Variants in MEGF11 observed in about 807,000 individuals in gnomAD.
MEGF11 encodes the protein multiple EGF like domains 11, also known as multiple epidermal growth factor-like domains protein 11.
MEGF11 carries 126 observed loss-of-function variants against 146.6 expected under a neutral mutation model. That is an observed-to-expected ratio of 0.86 (90% confidence interval 0.74 to 1.00). The LOEUF (loss-of-function observed/expected upper bound fraction) is 1.00, where lower values mean the gene tolerates loss of function less well. Among genes scored for constraint, MEGF11 ranks in the 50% least tolerant of loss-of-function variants. The pLI, the probability that MEGF11 is intolerant of heterozygous loss-of-function variation, is 0.00. For missense variants in MEGF11, 1,509 were observed against 1,521.2 expected (o/e 0.99, Z 0.13); for synonymous variants, 532 against 583.4 (o/e 0.91, Z 1.27).
chr15:65,937,017 C>T (rs1214529716), intron 10 of MEGF11, among the ~76,000 whole-genome samples: 1 of 152,204 alleles, frequency 6.6e-6, no homozygotes, highest in Non-Finnish European at 1.5e-5. Flanking sequence ...GCAAAAATTA[C>T]CCAGTTGGCC....
intron 5 of MEGF11, among the ~76,000 whole-genome samples, chr15:66,077,370 T>C (rs2085635069): frequency 1.3e-5 from 2 of 152,244 alleles, no homozygotes; most frequent in South Asian, 4.1e-4. Context: ...CTGCTTCCTC[T>C]GAAGGACCAA....
intron 1 of MEGF11, among the ~76,000 whole-genome samples, chr15:66,223,600 G>A (rs984706266): frequency 2.0e-5 from 3 of 152,176 alleles, no homozygotes; most frequent in African/African-American, 7.2e-5. Context: ...GCACATGCCT[G>A]TAATCCCAGC....
At chr15:66,156,557 G>A (rs1007767972) in intron 1 of MEGF11, among the ~76,000 whole-genome samples, 4 of 151,948 alleles carry the variant, frequency 2.6e-5, no homozygotes, top group East Asian at 1.9e-4. Context: ...GGCAGAGCCC[G>A]GCCCCCGAGA....
In MEGF11 at chr15:65,913,737, C is replaced by T. The variant is rs368354293; in HGVS notation, c.2710G>A (p.Asp904Asn). The T allele has an allele frequency of 9.9e-6, 16 of 1,610,018 alleles. No individual in the cohort carries two copies. In the African/African-American group the frequency reaches 2.1e-4, roughly 22 times the overall value. ...RMTSTDYSLS[D>N]LSQSSSHAHC... Reference sequence around the variant, plus strand: ...GGGAGGCCAGGAGCATGGCCCTTACCTGAGAGGGAGTAGTCGGTGCTGGTC... The same window carrying T: ...GGGAGGCCAGGAGCATGGCCCTTACTTGAGAGGGAGTAGTCGGTGCTGGTC... Residue 904 changes from aspartate to asparagine, a missense_variant and splice_region_variant, in exon 20 of 26, where the codon GAT becomes AAT. Asp to Asn is a conservative substitution (Grantham distance 23, BLOSUM62 1). Coordinates refer to ENST00000395614, the MANE Select transcript of MEGF11 (RefSeq NM_001385028.1).
At position 66,032,350 on chromosome 15, in the gene MEGF11, G is replaced by C. The variant is rs538097970; in HGVS notation, c.395-49862C>G. Among the ~76,000 whole-genome samples the C allele has an allele frequency of 6.6e-5, 10 of 152,356 alleles. No homozygotes were observed. The East Asian group carries it at 1.9e-3, about 29-fold the overall frequency. Reference sequence around the variant, plus strand: ...GAAAAATGGGATTGTTGTTACAGCAGATACCTGAAAATGTGGAAGGGTTTG... The same window carrying C: ...GAAAAATGGGATTGTTGTTACAGCACATACCTGAAAATGTGGAAGGGTTTG... On this transcript the variant is annotated intron_variant, in intron 5 of 25. Coordinates refer to ENST00000395614, the MANE Select transcript of MEGF11 (RefSeq NM_001385028.1).
At chr15:65,947,326 T>C (rs1377656613) in intron 10 of MEGF11, among the ~76,000 whole-genome samples, 1 of 152,160 alleles carries the variant, frequency 6.6e-6, no homozygotes, top group Non-Finnish European at 1.5e-5. Context: ...TAGCAGGAGC[T>C]TTCTTTGTTC....
chr15:66,161,048 G>A (rs529356027), intron 1 of MEGF11, among the ~76,000 whole-genome samples: 22 of 152,250 alleles, frequency 1.4e-4, no homozygotes, highest in South Asian at 2.1e-4. Context: ...CCCGTGGCTC[G>A]TGACATGAGG....
chr15:65,998,662 G>GT (rs2141820552), intron 5 of MEGF11, among the ~76,000 whole-genome samples: 1 of 152,292 alleles, frequency 6.6e-6, no homozygotes, highest in South Asian at 2.1e-4. Flanking sequence ...CACGGTGGTG[G>GT]TGGGTCCCCA....
chr15:66,164,326 A>G (rs2090039291), intron 1 of MEGF11, among the ~76,000 whole-genome samples: 3 of 152,176 alleles, frequency 2.0e-5, no homozygotes, highest in Non-Finnish European at 2.9e-5. Flanking sequence ...CACTGTGCCA[A>G]TGGAGTTGTG....
intron 8 of MEGF11, among the ~76,000 whole-genome samples, chr15:65,967,710 C>G (rs950405803): frequency 6.6e-6 from 1 of 152,038 alleles, no homozygotes; most frequent in African/African-American, 2.4e-5. Context: ...TGCTCTGTGC[C>G]CACAGTGACA....
chr15:66,054,988 ATGC>A (rs1195848080), intron 5 of MEGF11, among the ~76,000 whole-genome samples: 5 of 152,256 alleles, frequency 3.3e-5, no homozygotes, highest in Non-Finnish European at 5.9e-5. Context: ...AGTAAATTAG[ATGC>A]TATTATTGGT....
intron 1 of MEGF11, among the ~76,000 whole-genome samples, chr15:66,154,762 C>A (rs1165988370): frequency 6.6e-6 from 1 of 152,108 alleles, no homozygotes; most frequent in Non-Finnish European, 1.5e-5. Flanking sequence ...AACCAGCCAC[C>A]CCTGTTGGGC....
At chr15:65,978,570 G>A (rs940210067) in intron 7 of MEGF11, among the ~76,000 whole-genome samples, 1 of 152,202 alleles carries the variant, frequency 6.6e-6, no homozygotes, top group African/African-American at 2.4e-5. Flanking sequence ...AGCCTCAGCA[G>A]TGTCTCCAGA....
At chr15:66,044,604 T>C (rs2084118945) in intron 5 of MEGF11, among the ~76,000 whole-genome samples, 1 of 151,860 alleles carries the variant, frequency 6.6e-6, no homozygotes, top group South Asian at 2.1e-4. Flanking sequence ...TCTCAGTATT[T>C]TGGGAGACTG....
intron 1 of MEGF11, among the ~76,000 whole-genome samples, chr15:66,207,716 A>G (rs1311940211): frequency 1.3e-5 from 2 of 152,250 alleles, no homozygotes; most frequent in African/African-American, 4.8e-5. Context: ...GACAATGCCA[A>G]AAGCAATAAT....
chr15:65,905,946 C>T, intron 24 of MEGF11, 139 bp downstream of exon 24: 1 of 586,264 alleles, frequency 1.7e-6, no homozygotes, highest in Non-Finnish European at 3.0e-6. Flanking sequence ...CCAACAGCCC[C>T]AGGCCCTGTG....
At chr15:66,110,043 G>C (rs1322151385) in intron 4 of MEGF11, among the ~76,000 whole-genome samples, 1 of 152,180 alleles carries the variant, frequency 6.6e-6, no homozygotes, top group Non-Finnish European at 1.5e-5. Context: ...GGCCAAGGGA[G>C]AGACAGGATG....
intron 5 of MEGF11, among the ~76,000 whole-genome samples, chr15:66,044,825 C>G (rs1346476088): frequency 1.5e-5 from 2 of 132,580 alleles, no homozygotes; most frequent in Non-Finnish European, 3.1e-5. Flanking sequence ...TGCACTGCAG[C>G]CTGGATGACA....
At chr15:66,068,213 G>T (rs2140453075) in intron 5 of MEGF11, among the ~76,000 whole-genome samples, 1 of 152,268 alleles carries the variant, frequency 6.6e-6, no homozygotes, top group African/African-American at 2.4e-5. Flanking sequence ...TGCACTGCCT[G>T]GTGCATAGTA....
Sources: allele counts gnomAD v4.1 joint callset (sites outside exome capture counted in the v4.1 genomes callset), GRCh38; gene constraint gnomAD v4.1.1; transcripts MANE v1.5; gene names NCBI Gene and HGNC (gene_info 2026-07-23, HGNC 2026-07-21).